ADCY2: variants seen among roughly 807,000 people sequenced by gnomAD.
ADCY2 encodes the protein adenylate cyclase 2, also known as adenylate cyclase type 2.
ADCY2 carries 31 observed loss-of-function variants against 125.2 expected under a neutral mutation model. The ratio of observed to expected loss-of-function variants is 0.25; its 90% CI spans 0.19 to 0.33. The LOEUF (loss-of-function observed/expected upper bound fraction) is 0.33, where lower values mean the gene tolerates loss of function less well. Among genes scored for constraint, ADCY2 ranks in the 10% least tolerant of loss-of-function variants. The pLI is 1.00. For synonymous variants in ADCY2, 512 were observed against 548.4 expected (o/e 0.93, Z 0.93); for missense variants, 904 against 1,418.2 (o/e 0.64, Z 5.82).
rs1039087610 is a variant in ADCY2 at position 7,396,878 on chromosome 5, G to C, written c.210+372G>C. ...ATAGGTCTTCCCCGACTCAGCCCTGGGCTTCCTGGGCGAGTCGCTGTCTCC... is the reference window on the plus strand; with the variant it reads ...ATAGGTCTTCCCCGACTCAGCCCTGCGCTTCCTGGGCGAGTCGCTGTCTCC... On this transcript the variant is annotated intron_variant, in intron 1 of 24. Transcript: ENST00000338316. This position sits in a 1 kb window ranked among gnomAD's most constrained non-coding sequence, Gnocchi z 5.7. Among the ~76,000 whole-genome samples, 5 of 152,300 alleles carry C rather than the reference G, an allele frequency of 3.3e-5. No homozygotes were observed. In the South Asian group the frequency reaches 1.0e-3, roughly 32 times the overall value.
intron 1 of ADCY2, among the ~76,000 whole-genome samples, chr5:7,403,127 A>G (rs1434332929): frequency 2.0e-5 from 3 of 151,596 alleles, no homozygotes; most frequent in Admixed American, 6.6e-5. Context: ...GTGTGTGTAT[A>G]TGTGCGTGTG....
intron 19 of ADCY2, among the ~76,000 whole-genome samples, chr5:7,786,120 A>G (rs1293173754): frequency 6.6e-6 from 1 of 152,206 alleles, no homozygotes. Flanking sequence ...TAAAGGATTT[A>G]CCATTCTTCA....
Position 7,563,546 on chromosome 5 carries a change from A to G in ADCY2, c.570+42647A>G, listed in dbSNP as rs534923823. Among the ~76,000 whole-genome samples, 10 of 152,312 alleles carry G rather than the reference A, an allele frequency of 6.6e-5. No homozygotes were observed. The South Asian group carries it at 2.1e-3, about 32-fold the overall frequency. Reference sequence around the variant, plus strand: ...TTGCAGTCTTCCTGATAACACATTCATAGCAGTCCTAATCATGAATATGGA... The same window carrying G: ...TTGCAGTCTTCCTGATAACACATTCGTAGCAGTCCTAATCATGAATATGGA... On this transcript the variant is annotated intron_variant, in intron 3 of 24. Transcript: ENST00000338316.
chr5:7,516,819 C>G (rs1239842292), intron 2 of ADCY2, among the ~76,000 whole-genome samples: 1 of 151,878 alleles, frequency 6.6e-6, no homozygotes, highest in Non-Finnish European at 1.5e-5. Flanking sequence ...ACTCTATTTC[C>G]TAACAAACAG....
At chr5:7,495,139 T>C (rs1743301464) in intron 2 of ADCY2, among the ~76,000 whole-genome samples, 1 of 152,212 alleles carries the variant, frequency 6.6e-6, no homozygotes, top group Admixed American at 6.5e-5. Context: ...TGCAGTCTAG[T>C]CTATAAGCCA....
At chr5:7,743,519 T>G (rs1251922246) in intron 14 of ADCY2, 149 bp from the exon 15 acceptor site, 2 of 721,022 alleles carry the variant, frequency 2.8e-6, no homozygotes, top group African/African-American at 3.5e-5. Context: ...TATGTGGCAT[T>G]TTAGCTCCAT....
At chr5:7,708,476 C>A (rs1027293310) in intron 9 of ADCY2, among the ~76,000 whole-genome samples, 2 of 152,076 alleles carry the variant, frequency 1.3e-5, no homozygotes, top group Non-Finnish European at 2.9e-5. Flanking sequence ...TTCTTTTAAC[C>A]CTTCTCAAAT....
intron 4 of ADCY2, among the ~76,000 whole-genome samples, chr5:7,630,074 C>A (rs1738265621): frequency 6.6e-6 from 1 of 152,122 alleles, no homozygotes; most frequent in Non-Finnish European, 1.5e-5. Context: ...GTAAAAAATA[C>A]TAGTCGGGCG....
intron 14 of ADCY2, 59 bp from the exon 15 acceptor site, chr5:7,743,609 C>A: frequency 6.7e-7 from 1 of 1,502,370 alleles, no homozygotes; most frequent in Non-Finnish European, 9.2e-7. Flanking sequence ...TTACTGGTAG[C>A]TTTCCAGAAT....
rs139805697 is a variant in ADCY2 at position 7,769,956 on chromosome 5, A to C, written c.2215-2976A>C. Among the ~76,000 whole-genome samples, 838 of 152,312 alleles carry C rather than the reference A, an allele frequency of 5.5e-3. 11 individuals carry two copies. The highest frequency in any genetic ancestry group is 0.019 in the African/African-American group (786 of 41,558). ...TATCCTATTGCCAGAATCGCTGACTATCTGGAGCCTTACCCGGTCAGCTAA... is the reference window on the plus strand; with the variant it reads ...TATCCTATTGCCAGAATCGCTGACTCTCTGGAGCCTTACCCGGTCAGCTAA... On this transcript the variant is annotated intron_variant, in intron 17 of 24. Coordinates refer to ENST00000338316, the MANE Select transcript of ADCY2 (RefSeq NM_020546.3).
chr5:7,539,908 C>T (rs1734939126), intron 3 of ADCY2, among the ~76,000 whole-genome samples: 1 of 152,182 alleles, frequency 6.6e-6, no homozygotes, highest in South Asian at 2.1e-4. Context: ...AATTTATCAC[C>T]CCACAAAGTC....
chr5:7,628,833 A>G (rs1463491385), intron 4 of ADCY2, among the ~76,000 whole-genome samples: 1 of 152,108 alleles, frequency 6.6e-6, no homozygotes, highest in African/African-American at 2.4e-5. Context: ...AAAAAAAAAA[A>G]AAAACCATCA....
At chr5:7,419,062 G>T (rs1017635390) in intron 2 of ADCY2, among the ~76,000 whole-genome samples, 1 of 152,280 alleles carries the variant, frequency 6.6e-6, no homozygotes, top group South Asian at 2.1e-4. Context: ...AGGAAAGCAG[G>T]CTGCTTTCAG....
chr5:7,543,131 G>A (rs1735045398), intron 3 of ADCY2, among the ~76,000 whole-genome samples: 2 of 152,112 alleles, frequency 1.3e-5, no homozygotes, highest in South Asian at 4.2e-4. Flanking sequence ...ATAAAAATAT[G>A]CATATATATG....
intron 20 of ADCY2, among the ~76,000 whole-genome samples, chr5:7,792,173 A>G (rs1579441311): frequency 6.8e-6 from 1 of 146,608 alleles, no homozygotes; most frequent in African/African-American, 2.5e-5. Context: ...GGAGTTCAAG[A>G]CCAGCCTGGC....
At position 7,709,576 on chromosome 5, in the gene ADCY2, G is replaced by T. The variant is rs1285765423; in HGVS notation, c.1578+189G>T. On this transcript the variant is annotated intron_variant, in intron 10 of 24. Coordinates refer to ENST00000338316, the MANE Select transcript of ADCY2 (RefSeq NM_020546.3). The surrounding 1 kb of genome is among the most constrained non-coding windows in gnomAD (Gnocchi z 4.4). ...TGAGCTCCATGCTGACATTGCTAAGGGTTCCACCCTAGCGTGATTTTGCAT... is the reference window on the plus strand; with the variant it reads ...TGAGCTCCATGCTGACATTGCTAAGTGTTCCACCCTAGCGTGATTTTGCAT... Among the ~76,000 whole-genome samples the T allele has an allele frequency of 2.0e-5, 3 of 152,158 alleles. No individual in the cohort carries two copies. The highest frequency in any genetic ancestry group is 2.4e-5 in the African/African-American group (1 of 41,418).
chr5:7,790,747 T>G (rs1258802461), intron 20 of ADCY2, among the ~76,000 whole-genome samples: 1 of 152,000 alleles, frequency 6.6e-6, no homozygotes, highest in South Asian at 2.1e-4. Context: ...CCAAAGAGAG[T>G]TTTGAAGACT....
At chr5:7,712,992 A>G (rs1309785912) in intron 11 of ADCY2, 93 bp downstream of exon 11, 10 of 983,374 alleles carry the variant, frequency 1.0e-5, no homozygotes, top group African/African-American at 3.3e-5. Context: ...TTCAAGGGCT[A>G]CTTCTGAAAG....
chr5:7,639,986 C>G (rs537347832), intron 4 of ADCY2, among the ~76,000 whole-genome samples: 1 of 152,200 alleles, frequency 6.6e-6, no homozygotes, highest in Admixed American at 6.6e-5. Context: ...ATTTTTATGT[C>G]AAAGATAAAA....
Sources: allele counts gnomAD v4.1 joint callset (sites outside exome capture counted in the v4.1 genomes callset), GRCh38; gene constraint gnomAD v4.1.1; non-coding constraint Gnocchi (gnomAD v3.1); transcripts MANE v1.5; gene names NCBI Gene and HGNC (gene_info 2026-07-23, HGNC 2026-07-21).